RAD51B: variants seen among roughly 807,000 people sequenced by gnomAD.
RAD51B encodes the protein DNA repair protein RAD51 homolog 2.
In RAD51B, 38 loss-of-function variants were observed where a neutral mutation model predicts 42.2. That is an observed-to-expected ratio of 0.90 (90% CI 0.70 to 1.18). The LOEUF (loss-of-function observed/expected upper bound fraction) is 1.18. Ranked by LOEUF, RAD51B falls within the 50% of genes most tolerant of loss-of-function variation. The pLI is 0.00. For missense variants in RAD51B, 373 were observed against 400.7 expected (o/e 0.93, Z 0.59); for synonymous variants, 154 against 145.2 (o/e 1.06, Z -0.43).
chr14:67,912,069 G>T (rs1238808195), intron 7 of RAD51B, among the ~76,000 whole-genome samples: 1 of 152,130 alleles, frequency 6.6e-6, no homozygotes, highest in East Asian at 1.9e-4. Context: ...ACAAAGCCAG[G>T]TGCCACATTC....
intron 11 of RAD51B, among the ~76,000 whole-genome samples, chr14:68,682,711 A>T (rs4902632): frequency 0.81 from 122,905 of 151,044 alleles, 51,090 homozygotes; most frequent in African/African-American, 0.94. Flanking sequence ...CCCCACGATC[A>T]GCTGGACATA....
chr14:68,482,403 G>A (rs1221601702), downstream of RAD51B, among the ~76,000 whole-genome samples: 1 of 152,150 alleles, frequency 6.6e-6, no homozygotes, highest in Admixed American at 6.6e-5. Context: ...AAAGCAAAAT[G>A]ACTGCTCAGA....
intron 7 of RAD51B, among the ~76,000 whole-genome samples, chr14:68,107,185 A>G (rs934781595): frequency 2.0e-5 from 3 of 151,824 alleles, no homozygotes; most frequent in African/African-American, 7.2e-5. Flanking sequence ...TCTATAAACA[A>G]TTATTCCTTT....
chr14:67,829,883 G>T (rs1470575270), intron 3 of RAD51B, among the ~76,000 whole-genome samples: 2 of 152,076 alleles, frequency 1.3e-5, no homozygotes, highest in African/African-American at 2.4e-5. Context: ...AAAGCATAAG[G>T]TACTTTGAAA....
intron 3 of RAD51B, among the ~76,000 whole-genome samples, chr14:67,832,461 C>CT (rs140550166): frequency 9.2e-5 from 14 of 151,608 alleles, no homozygotes; most frequent in East Asian, 7.7e-4. Flanking sequence ...TTTTCTTTAA[C>CT]TTTTTTTTTC....
intron 10 of RAD51B, among the ~76,000 whole-genome samples, chr14:68,623,063 G>A (rs1891991024): frequency 6.6e-6 from 1 of 152,210 alleles, no homozygotes; most frequent in African/African-American, 2.4e-5. Context: ...GGCAAGGGGA[G>A]AATAGCACCA....
intron 10 of RAD51B, among the ~76,000 whole-genome samples, chr14:68,607,347 C>T (rs901857028): frequency 7.2e-5 from 11 of 152,314 alleles, no homozygotes; most frequent in African/African-American, 1.9e-4. Flanking sequence ...AGTATCCTTT[C>T]GAAAGAGTAA....
intron 10 of RAD51B, among the ~76,000 whole-genome samples, chr14:68,542,550 A>G (rs1594957785): frequency 6.6e-6 from 1 of 152,184 alleles, no homozygotes; most frequent in South Asian, 2.1e-4. Context: ...GACTGAGGAC[A>G]CCATTTGCCG....
At chr14:67,870,360 G>A (rs1484090288) in intron 5 of RAD51B, among the ~76,000 whole-genome samples, 1 of 151,704 alleles carries the variant, frequency 6.6e-6, no homozygotes, top group Non-Finnish European at 1.5e-5. Flanking sequence ...TAATGGTAAA[G>A]GGATCAATTC....
chr14:68,510,466 G>A (rs1429127224), intron 10 of RAD51B, among the ~76,000 whole-genome samples: 2 of 152,192 alleles, frequency 1.3e-5, no homozygotes, highest in Non-Finnish European at 2.9e-5. Flanking sequence ...TGTATGGAGC[G>A]CCAAGGCAGC....
chr14:68,227,785 G>A (rs1339823675), intron 7 of RAD51B, among the ~76,000 whole-genome samples: 1 of 152,140 alleles, frequency 6.6e-6, no homozygotes, highest in African/African-American at 2.4e-5. Flanking sequence ...CTGCTCTAAT[G>A]TATAATTGGA....
At chr14:67,885,729 C>T in intron 5 of RAD51B, 140 bp from the exon 6 acceptor site, 1 of 1,071,474 alleles carries the variant, frequency 9.3e-7, no homozygotes, top group Non-Finnish European at 1.2e-6. Flanking sequence ...AATTCTAAAT[C>T]TGTATATTAA....
chr14:68,391,272 A>G (rs542399518), intron 8 of RAD51B, among the ~76,000 whole-genome samples: 24 of 150,000 alleles, frequency 1.6e-4, no homozygotes, highest in Middle Eastern at 3.4e-3. Flanking sequence ...ATTCAGTTTC[A>G]TTTGTGTTGT....
intron 4 of RAD51B, among the ~76,000 whole-genome samples, chr14:67,853,137 C>G (rs537481036): frequency 7.2e-4 from 110 of 152,146 alleles, no homozygotes; most frequent in Non-Finnish European, 1.3e-3. Context: ...GTGAGTGGCC[C>G]TGAGATAAGA....
chr14:67,865,737 A>C (rs893244562), intron 5 of RAD51B, among the ~76,000 whole-genome samples: 1 of 147,694 alleles, frequency 6.8e-6, no homozygotes, highest in Non-Finnish European at 1.5e-5. Context: ...ACAGTGTTTC[A>C]CCTTATTGGC....
At chr14:68,419,177 T>C (rs2084635824) in intron 9 of RAD51B, among the ~76,000 whole-genome samples, 2 of 152,222 alleles carry the variant, frequency 1.3e-5, no homozygotes, top group Admixed American at 1.3e-4. Context: ...GTTTTACAGA[T>C]GGCGGTAAGC....
At chr14:68,613,141 CGTGGTGGCT>C (rs1566955319), downstream of RAD51B, among the ~76,000 whole-genome samples, 3 of 152,166 alleles carry the variant, frequency 2.0e-5, no homozygotes, top group Non-Finnish European at 4.4e-5. Context: ...GGAGGCCAGG[CGTGGTGGCT>C]CACGCCTGTA....
chr14:68,195,753 A>G (rs2079356153), intron 7 of RAD51B, among the ~76,000 whole-genome samples: 1 of 151,706 alleles, frequency 6.6e-6, no homozygotes, highest in African/African-American at 2.4e-5. Context: ...TACTAAAAAT[A>G]CAAAATTAGC....
At chr14:68,665,962 C>T (rs1893025569) in intron 11 of RAD51B, among the ~76,000 whole-genome samples, 1 of 152,198 alleles carries the variant, frequency 6.6e-6, no homozygotes, top group Non-Finnish European at 1.5e-5. Flanking sequence ...GAATGGACAT[C>T]TGATCAATCA....
Sources: gnomAD v4.1 joint callset for allele counts (sites outside exome capture counted in the v4.1 genomes callset) on GRCh38, gnomAD v4.1.1 for gene constraint, MANE v1.5 for transcripts, NCBI Gene and HGNC (gene_info 2026-07-23, HGNC 2026-07-21) for gene names.